ZEB1: variants seen among roughly 807,000 people sequenced by gnomAD.
ZEB1 encodes the protein zinc finger E-box binding homeobox 1, also known as zinc finger E-box-binding homeobox 1.
ZEB1 carries 21 observed loss-of-function variants against 84.9 expected under a neutral mutation model. The ratio of observed to expected loss-of-function variants is 0.25; its 90% CI spans 0.18 to 0.36. The LOEUF is 0.36. ZEB1 is among the 10% of genes least tolerant of loss of function. ZEB1 has a pLI of 1.00. For missense variants in ZEB1, 1,104 were observed against 1,330.2 expected (o/e 0.83, Z 2.65); for synonymous variants, 420 against 471.1 (o/e 0.89, Z 1.41).
intron 2 of ZEB1, among the ~76,000 whole-genome samples, chr10:31,475,182 C>A (rs2063928621): frequency 6.7e-6 from 1 of 150,330 alleles, no homozygotes; most frequent in African/African-American, 2.5e-5. Flanking sequence ...GCACAATGTG[C>A]ACATGTACCC....
chr10:31,502,257 G>A (rs2068256579), intron 3 of ZEB1, 91 bp from the exon 4 acceptor site: 1 of 1,297,212 alleles, frequency 7.7e-7, no homozygotes, highest in South Asian at 1.3e-5. Flanking sequence ...ACAATCATAT[G>A]TTCTCTCAAG....
rs1488011401 is a variant in ZEB1 at position 31,447,946 on chromosome 10, C to T, written c.59-13091C>T. 8.8e-4 allele frequency among the ~76,000 whole-genome samples: 134 copies of T among 151,960 alleles called. 1 individual carries two copies. Among genetic ancestry groups the T allele is most frequent in the African/African-American group, 3.1e-3 (128 of 41,290 alleles). On this transcript the variant is annotated intron_variant, in intron 1 of 8. Coordinates refer to ENST00000424869, the MANE Select transcript of ZEB1 (RefSeq NM_001174096.2). ...TTGGCGTTCTCTGTATTTCCTGAATCTGAATGTTGGCCTGCCTTGCTAGAT... is the reference window on the plus strand; with the variant it reads ...TTGGCGTTCTCTGTATTTCCTGAATTTGAATGTTGGCCTGCCTTGCTAGAT...
At chr10:31,324,454 C>A (rs540239692) in intron 1 of ZEB1, among the ~76,000 whole-genome samples, 1 of 152,014 alleles carries the variant, frequency 6.6e-6, no homozygotes, top group Non-Finnish European at 1.5e-5. Flanking sequence ...CAGATGTAAA[C>A]ACAGATGCAG....
At chr10:31,441,110 G>A (rs1038294208) in intron 1 of ZEB1, among the ~76,000 whole-genome samples, 2 of 152,126 alleles carry the variant, frequency 1.3e-5, no homozygotes, top group African/African-American at 4.8e-5. Context: ...ACAATCCTAA[G>A]CCAAAAGAAC....
chr10:31,366,456 TAATTTAAA>T (rs1204281373), intron 1 of ZEB1, among the ~76,000 whole-genome samples: 2 of 152,146 alleles, frequency 1.3e-5, no homozygotes, highest in African/African-American at 4.8e-5. Context: ...CGCCTGGCCA[TAATTTAAA>T]TAATCCTTTA....
intron 1 of ZEB1, among the ~76,000 whole-genome samples, chr10:31,396,495 G>C (rs1052436235): frequency 4.6e-5 from 7 of 152,128 alleles, no homozygotes; most frequent in Non-Finnish European, 7.4e-5. Flanking sequence ...GAACATGTAT[G>C]GCAAGAACAC....
intron 2 of ZEB1, among the ~76,000 whole-genome samples, chr10:31,478,846 G>C (rs1187543458): frequency 6.6e-6 from 1 of 151,750 alleles, no homozygotes; most frequent in Non-Finnish European, 1.5e-5. Flanking sequence ...TCAGACGTTG[G>C]AGACTCCAAA....
rs796920339 is a variant in ZEB1, at chr10:31,408,144, A to G, written c.59-52893A>G. On this transcript the variant is annotated intron_variant, in intron 1 of 8. Coordinates refer to ENST00000424869, the MANE Select transcript of ZEB1 (RefSeq NM_001174096.2). ...AATCATGAGTGAACTCCCATTCACA[A>G]TTGCTTCAAAGAGAATAAAATACCT... Among the ~76,000 whole-genome samples the G allele has an allele frequency of 3.0e-4, 46 of 151,858 alleles. No homozygotes were observed. In the South Asian group the frequency reaches 3.3e-3, roughly 11 times the overall value.
intron 1 of ZEB1, among the ~76,000 whole-genome samples, chr10:31,368,178 A>G (rs893434370): frequency 1.3e-5 from 2 of 152,082 alleles, no homozygotes; most frequent in Non-Finnish European, 1.5e-5. Flanking sequence ...TTATTGAGAC[A>G]TGGTCTTGCT....
At chr10:31,404,615 TCTC>T (rs1382935022) in intron 1 of ZEB1, among the ~76,000 whole-genome samples, 3 of 152,102 alleles carry the variant, frequency 2.0e-5, no homozygotes, top group African/African-American at 7.3e-5. Context: ...GCATTTTATA[TCTC>T]CTATTCTTTT....
chr10:31,387,476 T>C (rs766865403), intron 1 of ZEB1, among the ~76,000 whole-genome samples: 10 of 152,214 alleles, frequency 6.6e-5, no homozygotes, highest in African/African-American at 2.4e-4. Flanking sequence ...ATTTTTGTTT[T>C]GTTTTACTTT....
chr10:31,407,163 T>A (rs2053250158), intron 1 of ZEB1, among the ~76,000 whole-genome samples: 1 of 151,776 alleles, frequency 6.6e-6, no homozygotes, highest in Non-Finnish European at 1.5e-5. Context: ...GTTACATATG[T>A]ATACATGTGC....
chr10:31,345,556 T>C (rs2040160488), intron 1 of ZEB1, among the ~76,000 whole-genome samples: 1 of 152,096 alleles, frequency 6.6e-6, no homozygotes, highest in South Asian at 2.1e-4. Context: ...AATCAACTGC[T>C]AACACCTTTT....
At chr10:31,361,714 A>G (rs1482136661) in intron 1 of ZEB1, among the ~76,000 whole-genome samples, 17 of 151,358 alleles carry the variant, frequency 1.1e-4, no homozygotes, top group Admixed American at 2.0e-4. Context: ...CACTTCCCAG[A>G]TGGGACGGTG....
intron 1 of ZEB1, among the ~76,000 whole-genome samples, chr10:31,428,125 C>T (rs161262): frequency 0.078 from 11,845 of 151,884 alleles, 655 homozygotes; most frequent in African/African-American, 0.16. Context: ...GATTTGTGTG[C>T]TCTTGATTAT....
At position 31,521,084 on chromosome 10, in the gene ZEB1, T is replaced by A; in HGVS notation, c.1752T>A (p.Ser584=). The A allele has an allele frequency of 2.5e-6, 4 of 1,614,092 alleles. No homozygotes were observed. The highest frequency in any genetic ancestry group is 3.4e-6 in the Non-Finnish European group (4 of 1,180,010). ...VSSATGDGNL[S]PSQPPLKNLL... is the part of the protein sequence containing the mutation. ...CAGCTACTGGAGATGGCAATTTGTCTCCTAGTCAGCCACCTTTAAAGAACC... is the reference window on the plus strand; with the variant it reads ...CAGCTACTGGAGATGGCAATTTGTCACCTAGTCAGCCACCTTTAAAGAACC... The change falls in exon 7 of 9, where the codon TCT becomes TCA. Residue 584 remains serine (S), a synonymous_variant. Coordinates refer to ENST00000424869, the MANE Select transcript of ZEB1 (RefSeq NM_001174096.2).
intron 3 of ZEB1, among the ~76,000 whole-genome samples, chr10:31,496,748 TG>T (rs1174196166): frequency 3.9e-5 from 6 of 152,130 alleles, no homozygotes; most frequent in Admixed American, 3.9e-4. Flanking sequence ...TTTATAGATT[TG>T]TTTTTTTACT....
chr10:31,469,528 G>A (rs1269318130), intron 2 of ZEB1, among the ~76,000 whole-genome samples: 2 of 152,198 alleles, frequency 1.3e-5, no homozygotes, highest in African/African-American at 2.4e-5. Flanking sequence ...GGCACACCAC[G>A]AGATTATATC....
chr10:31,445,386 T>C (rs2059624715), intron 1 of ZEB1, among the ~76,000 whole-genome samples: 5 of 148,762 alleles, frequency 3.4e-5, no homozygotes, highest in Admixed American at 2.0e-4. Flanking sequence ...CTTCCTCTTT[T>C]CCTAATTGAA....
Sources: gnomAD v4.1 joint callset for allele counts (sites outside exome capture counted in the v4.1 genomes callset) on GRCh38, gnomAD v4.1.1 for gene constraint, MANE v1.5 for transcripts, NCBI Gene and HGNC (gene_info 2026-07-23, HGNC 2026-07-21) for gene names.